Variants in PSMA4 observed in about 807,000 individuals in gnomAD.
PSMA4 encodes the protein proteasome subunit alpha type-4.
A neutral mutation model predicts 37.2 loss-of-function variants in PSMA4; 8 were observed. The observed-to-expected ratio is 0.22, with a 90% CI of 0.13 to 0.39. PSMA4 has a LOEUF of 0.39. Among genes scored for constraint, PSMA4 ranks in the 10% least tolerant of loss-of-function variants. The pLI, the probability that PSMA4 is intolerant of heterozygous loss-of-function variation, is 1.00. For synonymous variants in PSMA4, 93 were observed against 98.8 expected, an observed-to-expected ratio of 0.94 and a Z score of 0.35; for missense variants, 169 against 305.1, an observed-to-expected ratio of 0.55 and a Z score of 3.32.
At chr15:78,548,630 G>A (rs2052597939) in intron 8 of PSMA4, among the ~76,000 whole-genome samples, 160 bp from the exon 9 acceptor site, 1 of 152,174 alleles carries the variant, frequency 6.6e-6, no homozygotes, top group Non-Finnish European at 1.5e-5. Context: ...AAAGTATATT[G>A]TTCTCATAAA....
chr15:78,549,126 C>G lies in PSMA4; in HGVS notation c.*182C>G. The G allele has an allele frequency of 1.1e-6, 1 of 923,448 alleles. No individual in the cohort carries two copies. The highest frequency in any genetic ancestry group is 1.4e-6 in the Non-Finnish European group (1 of 705,546). The allele number at this position is 923,448 out of a possible 1,614,324, so 57.2% of individuals were successfully genotyped here. A position where few individuals can be genotyped will look rare whatever the true frequency, so the allele number is the denominator to read the frequency against. The stretch of plus-strand genomic sequence containing the variant: ...ACTTTATTGTAACGATGATGGTTAC[C>G]CTTCATGGACGTCTTAATCTTCCAC... On this transcript the variant is annotated 3_prime_UTR_variant, in exon 9 of 9. Transcript: ENST00000044462.
chr15:78,545,413 C>G (rs2052534537), intron 6 of PSMA4, among the ~76,000 whole-genome samples: 2 of 152,188 alleles, frequency 1.3e-5, no homozygotes, highest in African/African-American at 4.8e-5. Context: ...TAATGAAATT[C>G]AGCACTGGTC....
Position 78,544,199 on chromosome 15 carries a change from T to G in PSMA4, c.219T>G (p.Ala73=), listed in dbSNP as rs183640841. ...TCTTTTTTTCTTCAAGGGACATGGCTTGCAGTGTGGCAGGCATAACTTCTG... is the reference window on the plus strand; with the variant it reads ...TCTTTTTTTCTTCAAGGGACATGGCGTGCAGTGTGGCAGGCATAACTTCTG... ...EKIYKLNEDM[A]CSVAGITSDA... Residue 73 remains alanine, a synonymous_variant, in exon 5 of 9, where the codon GCT becomes GCG. Coordinates refer to ENST00000044462, the MANE Select transcript of PSMA4 (RefSeq NM_002789.6). The G allele has an allele frequency of 6.2e-7, 1 of 1,613,566 alleles. No individual in the cohort carries two copies. Among genetic ancestry groups the G allele is most frequent in the Admixed American group, 1.7e-5 (1 of 60,018 alleles).
intron 7 of PSMA4, 110 bp from the exon 8 acceptor site, chr15:78,546,463 AAT>A: frequency 4.1e-6 from 4 of 987,084 alleles, no homozygotes; most frequent in Non-Finnish European, 2.9e-6. Flanking sequence ...AAAAAAAAAA[AAT>A]TGTTTATACT....
Position 78,544,198 on chromosome 15 carries a change from C to T in PSMA4, c.218C>T (p.Ala73Val), listed in dbSNP as rs1283510396. The T allele has an allele frequency of 1.2e-6, 2 of 1,613,348 alleles. No individual in the cohort carries two copies. The highest frequency in any genetic ancestry group is 2.2e-5 in the East Asian group (1 of 44,876). Residue 73 changes from alanine (A) to valine (V), a missense_variant, in exon 5 of 9, where the codon GCT becomes GTT. Physicochemically the swap from Ala to Val is moderately conservative, Grantham distance 64. Around this residue, in one of 2 missense-constraint regions of PSMA4, gnomAD observed 79 missense variants for 212.4 expected, o/e 0.37. Coordinates refer to ENST00000044462, the MANE Select transcript of PSMA4 (RefSeq NM_002789.6). ...GTCTTTTTTTCTTCAAGGGACATGG[C>T]TTGCAGTGTGGCAGGCATAACTTCT... The part of the protein sequence containing the change: ...EKIYKLNEDM[A>V]CSVAGITSDA...
At position 78,551,818 on chromosome 15, in the gene PSMA4, C is replaced by G. The variant is rs189553523; in HGVS notation, c.*2874C>G. 6.6e-6 allele frequency: 1 copy of G among 152,148 alleles called. No individual in the cohort carries two copies. The highest frequency in any genetic ancestry group is 1.5e-5 in the Non-Finnish European group (1 of 68,034). 9.4% of individuals were successfully genotyped at this position (152,148 alleles called of 1,614,324 possible). ...GGTGGATTTTCTGTATCCTGACTAC[C>G]CCTTCAACATTTGCCTAAAGCTAGG... On this transcript the variant is annotated 3_prime_UTR_variant, in exon 9 of 9. Coordinates refer to ENST00000044462, the MANE Select transcript of PSMA4 (RefSeq NM_002789.6).
chr15:78,546,384 A>G (rs113109372), intron 7 of PSMA4, among the ~76,000 whole-genome samples, 191 bp from the exon 8 acceptor site: 2 of 151,828 alleles, frequency 1.3e-5, no homozygotes, highest in Non-Finnish European at 2.9e-5. Context: ...GGAGACTTGA[A>G]GATACAGTGA....
intron 4 of PSMA4, among the ~76,000 whole-genome samples, chr15:78,543,327 G>A (rs2052489257): frequency 6.6e-6 from 1 of 152,070 alleles, no homozygotes; most frequent in Non-Finnish European, 1.5e-5. Flanking sequence ...CCTCTGTTGG[G>A]ACCACTCAAC....
intron 1 of PSMA4, 88 bp from the exon 2 acceptor site, chr15:78,541,817 G>C: frequency 9.2e-7 from 1 of 1,086,708 alleles, no homozygotes; most frequent in Non-Finnish European, 1.4e-6. Context: ...CTGAATAAAG[G>C]GAGTAAATAA....
chr15:78,543,241 G>A (rs956066428), intron 4 of PSMA4, among the ~76,000 whole-genome samples: 1 of 152,170 alleles, frequency 6.6e-6, no homozygotes, highest in African/African-American at 2.4e-5. Context: ...CCTTTCAGTG[G>A]TGGTGGGCTT....
chr15:78,548,103 G>A (rs773239612), intron 8 of PSMA4, among the ~76,000 whole-genome samples: 4 of 151,882 alleles, frequency 2.6e-5, no homozygotes, highest in Admixed American at 6.6e-5. Flanking sequence ...GTGGTGGTGC[G>A]CACCTGTAAT....
At chr15:78,546,836 G>C (rs1182264668) in intron 8 of PSMA4, 138 bp downstream of exon 8, 1 of 883,134 alleles carries the variant, frequency 1.1e-6, no homozygotes, top group Non-Finnish European at 1.7e-6. Flanking sequence ...CGCAATCTCA[G>C]CTCACTGCAA....
intron 4 of PSMA4, among the ~76,000 whole-genome samples, chr15:78,543,566 CTT>C (rs11414100): frequency 3.6e-5 from 4 of 109,766 alleles, no homozygotes; most frequent in Admixed American, 1.2e-4. Context: ...CTAGCAAAAT[CTT>C]TTTTTTTTTT....
At chr15:78,548,722 T>G (rs2052599783) in intron 8 of PSMA4, 68 bp from the exon 9 acceptor site, 1 of 1,547,596 alleles carries the variant, frequency 6.5e-7, no homozygotes, top group Non-Finnish European at 8.7e-7. Flanking sequence ...CATGAGTGCC[T>G]ATTAAGCTTC....
Position 78,544,272 on chromosome 15 carries a change from G to A in PSMA4, c.287+5G>A, listed in dbSNP as rs1385555470. 6.4e-7 allele frequency: 1 copy of A among 1,570,866 alleles called. No homozygotes were observed. Among genetic ancestry groups the A allele is most frequent in the African/African-American group, 1.5e-5 (1 of 65,056 alleles). On this transcript the variant is annotated splice_donor_5th_base_variant and intron_variant, in intron 5 of 8. Coordinates refer to ENST00000044462, the MANE Select transcript of PSMA4 (RefSeq NM_002789.6). ...ACTAAGGCTCATTGCTCAAAGGTAT[G>A]GTCATAAATAGCATAACTGATGATA...
chr15:78,542,691 C>T (rs759790414), intron 4 of PSMA4, 46 bp downstream of exon 4: 24 of 1,521,622 alleles, frequency 1.6e-5, no homozygotes, highest in Non-Finnish European at 2.1e-5. Flanking sequence ...CTCACTTTCT[C>T]ACATAAGTGG....
chr15:78,546,567 T>C lies in PSMA4; in HGVS notation c.508-8T>C, dbSNP rs1437393060. 8 of 1,572,210 alleles carry C rather than the reference T, an allele frequency of 5.1e-6. No homozygotes were observed. Among genetic ancestry groups the C allele is most frequent in the Non-Finnish European group, 6.8e-6 (8 of 1,169,172 alleles). ...ACTTAAAATTCTATGTTGATTCATG[T>C]TTTATAGGCAGCTGTGTCAATGTTG... is the stretch of plus-strand genomic sequence containing the variant. On this transcript the variant is annotated splice_region_variant and splice_polypyrimidine_tract_variant and intron_variant, in intron 7 of 8. Transcript: ENST00000044462.
intron 8 of PSMA4, among the ~76,000 whole-genome samples, chr15:78,547,630 G>A (rs145964342): frequency 1.3e-5 from 2 of 152,052 alleles, no homozygotes; most frequent in East Asian, 3.9e-4. Flanking sequence ...GAGGCCAGGA[G>A]TTCCAGATCA....
rs2052647168 is a variant in PSMA4 at position 78,551,809 on chromosome 15, C to T, written c.*2865C>T. The T allele has an allele frequency of 2.0e-5, 3 of 152,144 alleles. No homozygotes were observed. Among genetic ancestry groups the T allele is most frequent in the South Asian group, 2.1e-4 (1 of 4,820 alleles). 9.4% of individuals were successfully genotyped at this position (152,144 alleles called of 1,614,324 possible). A position where few individuals can be genotyped will look rare whatever the true frequency, so the allele number is the denominator to read the frequency against. The stretch of plus-strand genomic sequence containing the variant: ...AGTAGCACTGGTGGATTTTCTGTAT[C>T]CTGACTACCCCTTCAACATTTGCCT... On this transcript the variant is annotated 3_prime_UTR_variant, in exon 9 of 9. Coordinates refer to ENST00000044462, the MANE Select transcript of PSMA4 (RefSeq NM_002789.6).
Sources: allele counts gnomAD v4.1 joint callset (sites outside exome capture counted in the v4.1 genomes callset), GRCh38; gene constraint gnomAD v4.1.1; regional missense constraint gnomAD v4.1.1; transcripts MANE v1.5; gene names NCBI Gene and HGNC (gene_info 2026-07-23, HGNC 2026-07-21).